Variants in CLEC18B observed in about 807,000 individuals in gnomAD.
CLEC18B encodes the protein mannose receptor-like 2.
A neutral mutation model predicts 60.4 loss-of-function variants in CLEC18B; 5 were observed. The ratio of observed to expected loss-of-function variants is 0.08; its 90% CI spans 0.04 to 0.17. The LOEUF is 0.17. Among genes scored for constraint, CLEC18B ranks in the 10% least tolerant of loss-of-function variants. The probability of loss-of-function intolerance (pLI) is 1.00; values close to 1 mark genes in which losing one functional copy is unlikely to be tolerated. For missense variants in CLEC18B, 26 were observed against 572.8 expected, an observed-to-expected ratio of 0.05 and a Z score of 9.74; for synonymous variants, 16 against 221.2, an observed-to-expected ratio of 0.07 and a Z score of 8.23.
At chr16:74,409,321 G>A (rs2013010045) in intron 11 of CLEC18B, among the ~76,000 whole-genome samples, 1 of 145,630 alleles carries the variant, frequency 6.9e-6, no homozygotes, top group Non-Finnish European at 1.5e-5. Context: ...CTGCAGAGCT[G>A]TAGCTCTAGT....
intron 2 of CLEC18B, among the ~76,000 whole-genome samples, chr16:74,418,596 G>A (rs1252596450): frequency 2.7e-5 from 4 of 147,200 alleles, no homozygotes; most frequent in East Asian, 2.1e-4. Context: ...GGTCATGTGA[G>A]CAGTGCCCAC....
At chr16:74,419,193 C>T (rs1402478238) in intron 2 of CLEC18B, among the ~76,000 whole-genome samples, 23 of 152,288 alleles carry the variant, frequency 1.5e-4, no homozygotes, top group Admixed American at 8.5e-4. Flanking sequence ...CATCTGTAAA[C>T]GGAGCAGGGA....
intron 11 of CLEC18B, 24 bp downstream of exon 11, chr16:74,409,525 AG>A: frequency 7.6e-6 from 12 of 1,586,150 alleles, no homozygotes; most frequent in Non-Finnish European, 1.0e-5. Flanking sequence ...GGATCAGAGA[AG>A]GGGAGCCTCA....
At chr16:74,423,391 T>G (rs1451395137), upstream of CLEC18B, among the ~76,000 whole-genome samples, 2 of 152,374 alleles carry the variant, frequency 1.3e-5, no homozygotes, top group East Asian at 3.9e-4. Context: ...CCTGGCTCAC[T>G]GCAAGAAGAG....
At chr16:74,419,258 C>T (rs1208975209) in intron 2 of CLEC18B, among the ~76,000 whole-genome samples, 1 of 152,072 alleles carries the variant, frequency 6.6e-6, no homozygotes, top group African/African-American at 2.4e-5. Context: ...AGGGGGGCCC[C>T]TCGGGGCTGC....
upstream of CLEC18B, among the ~76,000 whole-genome samples, chr16:74,423,698 C>T (rs1459718572): frequency 8.2e-6 from 1 of 122,648 alleles, no homozygotes; most frequent in African/African-American, 3.0e-5. Flanking sequence ...CACCCCCGAC[C>T]CCTCAAAAAA....
intron 6 of CLEC18B, 121 bp downstream of exon 6, chr16:74,412,652 G>T (rs186747897): frequency 1.3e-6 from 2 of 1,520,908 alleles, no homozygotes; most frequent in Non-Finnish European, 1.8e-6. Context: ...GTATGCAGTG[G>T]GCAGACTCAG....
intron 6 of CLEC18B, among the ~76,000 whole-genome samples, 159 bp downstream of exon 6, chr16:74,412,614 G>C (rs1228028183): frequency 1.9e-4 from 29 of 152,358 alleles, no homozygotes; most frequent in Middle Eastern, 3.4e-3. Context: ...CAAACAGCTA[G>C]TGCTCAGTGA....
At chr16:74,419,087 G>A (rs1196569575) in intron 2 of CLEC18B, among the ~76,000 whole-genome samples, 27 of 152,256 alleles carry the variant, frequency 1.8e-4, no homozygotes, top group Non-Finnish European at 2.8e-4. Context: ...GAGCCACCGT[G>A]CCCAGCCCCC....
intron 2 of CLEC18B, among the ~76,000 whole-genome samples, chr16:74,418,819 A>C (rs2013542611): frequency 7.4e-6 from 1 of 135,538 alleles, no homozygotes; most frequent in Admixed American, 7.6e-5. Context: ...TTTGAGACAG[A>C]GTCTCACCCT....
intron 2 of CLEC18B, among the ~76,000 whole-genome samples, chr16:74,419,766 C>T (rs564033276): frequency 1.3e-5 from 2 of 151,888 alleles, no homozygotes; most frequent in South Asian, 2.1e-4. Context: ...TGTTCAAGGT[C>T]GCCACTGTGG....
intron 2 of CLEC18B, among the ~76,000 whole-genome samples, chr16:74,420,055 G>A (rs2013609445): frequency 6.6e-6 from 1 of 152,270 alleles, no homozygotes; most frequent in Admixed American, 6.5e-5. Flanking sequence ...CGTCCTAGTG[G>A]CTCAGATAAG....
chr16:74,413,849 C>CTTTTTTATTATTTAT, intron 3 of CLEC18B, among the ~76,000 whole-genome samples, 173 bp from the exon 4 acceptor site: 1 of 149,352 alleles, frequency 6.7e-6, no homozygotes, highest in East Asian at 2.0e-4. Context: ...TTCAGGAAGG[C>CTTTTTTATTATTTAT]TTATTTATTT....
rs145150735 is a variant in CLEC18B, at chr16:74,418,149, T to C, written c.366A>G (p.Glu122=). ...LLPAGLASFV[E]VVSLWFAEGQ... ...CCTCTGCAAACCACAGGCTGACCAC[T>C]TCAACAAAGGACGCCAAGCCCGCGG... Residue 122 remains glutamate, a synonymous_variant, in exon 3 of 12, where the codon GAA becomes GAG. Coordinates refer to ENST00000682950, the MANE Select transcript of CLEC18B (RefSeq NM_001385193.1). 1,378 of 1,538,710 alleles carry C rather than the reference T, an allele frequency of 9.0e-4. 223 individuals carry two copies. The African/African-American group carries it at 0.018, about 21-fold the overall frequency.
chr16:74,419,089 C>T (rs1221205590), intron 2 of CLEC18B, among the ~76,000 whole-genome samples: 1 of 152,270 alleles, frequency 6.6e-6, no homozygotes, highest in African/African-American at 2.4e-5. Context: ...GCCACCGTGC[C>T]CAGCCCCCTC....
chr16:74,422,907 T>G (rs1330344460), upstream of CLEC18B, among the ~76,000 whole-genome samples: 4 of 147,876 alleles, frequency 2.7e-5, no homozygotes, highest in Admixed American at 7.0e-5. Context: ...GCTCAAGGGA[T>G]CTTCCCACCT....
intron 3 of CLEC18B, among the ~76,000 whole-genome samples, chr16:74,414,454 G>A (rs1272872241): frequency 6.6e-6 from 1 of 151,002 alleles, no homozygotes; most frequent in African/African-American, 2.4e-5. Flanking sequence ...AAGTGATACT[G>A]AGCCGATTTT....
Position 74,416,914 on chromosome 16 carries a change from T to G in CLEC18B, c.456+1145A>C, listed in dbSNP as rs372906887. Among the ~76,000 whole-genome samples, 164 of 143,078 alleles carry G rather than the reference T, an allele frequency of 1.1e-3. No individual in the cohort carries two copies. In the East Asian group the frequency reaches 0.02, roughly 18 times the overall value. 93.9% of individuals were successfully genotyped at this position (143,078 alleles called of 152,430 possible). On this transcript the variant is annotated intron_variant, in intron 3 of 11. Coordinates refer to ENST00000682950, the MANE Select transcript of CLEC18B (RefSeq NM_001385193.1). ...GCGGGAAAAGGGGAGGAGCAGGGCT[T>G]TAGTTTAGTAGCATCTTCTAAACCT...
upstream of CLEC18B, among the ~76,000 whole-genome samples, chr16:74,422,692 GAC>G (rs1487750411): frequency 6.7e-6 from 1 of 149,672 alleles, no homozygotes; most frequent in Non-Finnish European, 1.5e-5. Context: ...TTATTTTTTA[GAC>G]AGTTTCATTC....
Sources: gnomAD v4.1 joint callset for allele counts (sites outside exome capture counted in the v4.1 genomes callset) on GRCh38, gnomAD v4.1.1 for gene constraint, MANE v1.5 for transcripts, NCBI Gene and HGNC (gene_info 2026-07-23, HGNC 2026-07-21) for gene names.